Variants in LRRTM4 observed in about 807,000 individuals in gnomAD.
The protein encoded by LRRTM4 is leucine-rich repeat transmembrane neuronal protein 4.
A neutral mutation model predicts 47.6 loss-of-function variants in LRRTM4; 25 were observed. The observed-to-expected ratio is 0.53, with a 90% CI of 0.38 to 0.73. The LOEUF (loss-of-function observed/expected upper bound fraction) is 0.73, where lower values mean the gene tolerates loss of function less well. Among genes scored for constraint, LRRTM4 ranks in the 30% least tolerant of loss-of-function variants. The probability of loss-of-function intolerance (pLI) is 0.00; values close to 1 mark genes in which losing one functional copy is unlikely to be tolerated. For synonymous variants in LRRTM4, 311 were observed against 269.5 expected (o/e 1.15, Z -1.51); for missense variants, 638 against 713.4 (o/e 0.89, Z 1.20).
At chr2:76,884,603 A>G (rs1673018366) in intron 3 of LRRTM4, among the ~76,000 whole-genome samples, 2 of 152,202 alleles carry the variant, frequency 1.3e-5, no homozygotes, top group African/African-American at 4.8e-5. Context: ...GTACATTAAT[A>G]TGTGTATATA....
At chr2:77,439,069 T>TA (rs1454839363) in intron 3 of LRRTM4, among the ~76,000 whole-genome samples, 1 of 152,102 alleles carries the variant, frequency 6.6e-6, no homozygotes, top group Non-Finnish European at 1.5e-5. Context: ...TCTTAGAAAG[T>TA]AAGTAACTAG....
chr2:76,910,371 A>G (rs2103776727), intron 3 of LRRTM4, among the ~76,000 whole-genome samples: 1 of 151,230 alleles, frequency 6.6e-6, no homozygotes, highest in Non-Finnish European at 1.5e-5. Context: ...GTGGAGGGAT[A>G]ACATTGGGAG....
rs527946510 is a variant in LRRTM4 at position 76,869,545 on chromosome 2, T to C, written c.1552-120629A>G. On this transcript the variant is annotated intron_variant, in intron 3 of 3. Coordinates refer to ENST00000409884, the MANE Select transcript of LRRTM4 (RefSeq NM_001134745.3). ...AAAATGAATGGAAGGTGGGAAAGGG[T>C]AGATGATTGATTTTTTTAAAAAAAG... 2.0e-5 allele frequency among the ~76,000 whole-genome samples: 3 copies of C among 152,096 alleles called. No individual in the cohort carries two copies. The East Asian group carries it at 5.8e-4, about 29-fold the overall frequency.
At chr2:77,033,981 T>A (rs935270923) in intron 3 of LRRTM4, among the ~76,000 whole-genome samples, 1 of 151,812 alleles carries the variant, frequency 6.6e-6, no homozygotes, top group African/African-American at 2.4e-5. Context: ...AATCAAGATT[T>A]CAAGATTTTT....
chr2:76,889,022 T>C (rs1224525190), intron 3 of LRRTM4, among the ~76,000 whole-genome samples: 1 of 151,910 alleles, frequency 6.6e-6, no homozygotes. Flanking sequence ...ATGGCAATAT[T>C]TTCATTTAAA....
chr2:76,934,543 G>C (rs1020873785), intron 3 of LRRTM4, among the ~76,000 whole-genome samples: 1 of 152,026 alleles, frequency 6.6e-6, no homozygotes, highest in Non-Finnish European at 1.5e-5. Flanking sequence ...ATTTCTCCAG[G>C]CAAAAAAATT....
At chr2:76,903,437 G>A (rs1255498346) in intron 3 of LRRTM4, among the ~76,000 whole-genome samples, 3 of 152,140 alleles carry the variant, frequency 2.0e-5, no homozygotes, top group Non-Finnish European at 4.4e-5. Flanking sequence ...TCGGGAGGCT[G>A]AGGCAGGAGA....
intron 3 of LRRTM4, among the ~76,000 whole-genome samples, chr2:76,918,648 G>T (rs909736550): frequency 6.6e-6 from 1 of 152,106 alleles, no homozygotes; most frequent in African/African-American, 2.4e-5. Flanking sequence ...ATCACTCTTG[G>T]TGGCCTAGTT....
At chr2:77,002,263 C>A (rs1156493159) in intron 3 of LRRTM4, among the ~76,000 whole-genome samples, 3 of 151,996 alleles carry the variant, frequency 2.0e-5, no homozygotes, top group Non-Finnish European at 4.4e-5. Flanking sequence ...TTGGGGACTG[C>A]AAAGTAATTT....
intron 3 of LRRTM4, among the ~76,000 whole-genome samples, chr2:77,272,662 G>T (rs1253785034): frequency 6.6e-6 from 1 of 152,160 alleles, no homozygotes; most frequent in Non-Finnish European, 1.5e-5. Flanking sequence ...GGATTTGTTT[G>T]TGTCATTGGG....
At chr2:76,769,511 G>A (rs1673594184) in intron 3 of LRRTM4, among the ~76,000 whole-genome samples, 1 of 150,824 alleles carries the variant, frequency 6.6e-6, no homozygotes, top group Non-Finnish European at 1.5e-5. Context: ...CTAAATAAAA[G>A]CTCACTTGCA....
chr2:77,419,252 G>C (rs1267169309), intron 3 of LRRTM4, among the ~76,000 whole-genome samples: 3 of 152,096 alleles, frequency 2.0e-5, no homozygotes, highest in Non-Finnish European at 4.4e-5. Context: ...TCATGTGCTT[G>C]GTTAAGGAAA....
At chr2:76,831,822 T>G (rs756400542) in intron 3 of LRRTM4, among the ~76,000 whole-genome samples, 1 of 152,060 alleles carries the variant, frequency 6.6e-6, no homozygotes, top group Admixed American at 6.6e-5. Flanking sequence ...TTAAAAAAAA[T>G]TGTATGTTTA....
chr2:76,906,761 T>A (rs1479559275), intron 3 of LRRTM4, among the ~76,000 whole-genome samples: 2 of 151,286 alleles, frequency 1.3e-5, no homozygotes, highest in African/African-American at 4.9e-5. Context: ...GGCCATTACA[T>A]AATGGTAAAG....
At chr2:76,790,499 A>G (rs1397103832) in intron 3 of LRRTM4, among the ~76,000 whole-genome samples, 1 of 152,190 alleles carries the variant, frequency 6.6e-6, no homozygotes, top group Non-Finnish European at 1.5e-5. Context: ...CTTTAAAATG[A>G]GGAAAATGGA....
chr2:76,978,343 T>C (rs1391901527), intron 3 of LRRTM4, among the ~76,000 whole-genome samples: 1 of 152,068 alleles, frequency 6.6e-6, no homozygotes, highest in Non-Finnish European at 1.5e-5. Flanking sequence ...AGCACATGCT[T>C]GGCTTAAGTT....
At chr2:76,766,648 T>G (rs762451822) in intron 3 of LRRTM4, among the ~76,000 whole-genome samples, 3 of 152,196 alleles carry the variant, frequency 2.0e-5, no homozygotes, top group Non-Finnish European at 4.4e-5. Context: ...AGAGGTAGTA[T>G]TTATTTCTTG....
intron 3 of LRRTM4, among the ~76,000 whole-genome samples, chr2:77,426,788 C>T: frequency 6.6e-6 from 1 of 151,350 alleles, no homozygotes; most frequent in Non-Finnish European, 1.5e-5. Context: ...ATAATATGTA[C>T]ACACACAGAG....
intron 3 of LRRTM4, among the ~76,000 whole-genome samples, chr2:77,500,778 G>T (rs529592225): frequency 6.6e-6 from 1 of 151,532 alleles, no homozygotes; most frequent in Admixed American, 6.6e-5. Context: ...TAATTCTAAA[G>T]TTCATCTCAA....
Sources: allele counts gnomAD v4.1 joint callset (sites outside exome capture counted in the v4.1 genomes callset), GRCh38; gene constraint gnomAD v4.1.1; transcripts MANE v1.5; gene names NCBI Gene and HGNC (gene_info 2026-07-23, HGNC 2026-07-21).